The following TP53BP1 variants were observed in gnomAD, a reference collection of about 807,000 sequenced individuals.
TP53BP1 encodes the protein tumor protein p53 binding protein 1.
A neutral mutation model predicts 200.8 loss-of-function variants in TP53BP1; 61 were observed. That is an observed-to-expected ratio of 0.30 (90% CI 0.25 to 0.38). The LOEUF is 0.38. TP53BP1 is among the 10% of genes least tolerant of loss of function. The probability of loss-of-function intolerance (pLI) is 1.00; values close to 1 mark genes in which losing one functional copy is unlikely to be tolerated. For missense variants in TP53BP1, 2,144 were observed against 2,371.9 expected (o/e 0.90, Z 2.00); for synonymous variants, 822 against 844.3 (o/e 0.97, Z 0.46).
intron 22 of TP53BP1, 128 bp from the exon 23 acceptor site, chr15:43,415,937 G>A (rs966678589): frequency 1.1e-5 from 9 of 819,434 alleles, no homozygotes; most frequent in Non-Finnish European, 1.7e-5. Context: ...AGGCCAAGAA[G>A]CTTCTTTTTA....
chr15:43,414,483 A>T (rs2045212697), intron 23 of TP53BP1, among the ~76,000 whole-genome samples: 2 of 152,228 alleles, frequency 1.3e-5, no homozygotes. Context: ...AGGACAATGT[A>T]ACAATCAATG....
At chr15:43,425,288 T>C (rs1440800415) in intron 18 of TP53BP1, among the ~76,000 whole-genome samples, 1 of 152,252 alleles carries the variant, frequency 6.6e-6, no homozygotes, top group Non-Finnish European at 1.5e-5. Context: ...CTAAGAGGCC[T>C]GCTGTTTCCA....
intron 10 of TP53BP1, among the ~76,000 whole-genome samples, chr15:43,474,098 C>A (rs1414661367): frequency 6.6e-6 from 1 of 152,222 alleles, no homozygotes; most frequent in Non-Finnish European, 1.5e-5. Context: ...ACCCAGTACA[C>A]CCTCCATAGC....
At position 43,432,242 on chromosome 15, in the gene TP53BP1, C is replaced by G; in HGVS notation, c.3627G>C (p.Glu1209Asp). The G allele has an allele frequency of 6.2e-7, 1 of 1,614,166 alleles. No individual in the cohort carries two copies. Among genetic ancestry groups the G allele is most frequent in the Admixed American group, 1.7e-5 (1 of 60,026 alleles). The change falls in exon 17 of 28, where the codon GAG becomes GAC. Residue 1209 changes from glutamate (E) to aspartate (D), a missense_variant. This residue lies in a region of TP53BP1 where 1,700 missense variants were observed against 1,710.3 expected (regional missense o/e 0.99). Coordinates refer to ENST00000382044, the MANE Select transcript of TP53BP1 (RefSeq NM_001141980.3). ...CATCCCCAGGAGCACTGACTGGTTT[C>G]TCACCACTCCCCCTCTCAGTCTGAA... ...ATVQTERGSG[E>D]KPVSAPGDDT...
intron 10 of TP53BP1, among the ~76,000 whole-genome samples, chr15:43,471,477 G>A (rs918912426): frequency 1.3e-4 from 19 of 151,522 alleles, no homozygotes; most frequent in Admixed American, 9.9e-4. Context: ...TCCAGGCTGC[G>A]ACGCAGTGGT....
chr15:43,420,606 A>G lies in TP53BP1; in HGVS notation c.4380T>C (p.Gly1460=). Residue 1460 remains glycine (G), a synonymous_variant, in exon 21 of 28, where the codon GGT becomes GGC. Transcript: ENST00000382044. The part of the protein sequence containing the change: ...DSTRRTDVGA[G]ALRRSDSPEI... ...CTGGAGAGTCACTACGACGCAAAGCACCAGCACCCACATCTGTTCGTCTGG... is the reference window on the plus strand; with the variant it reads ...CTGGAGAGTCACTACGACGCAAAGCGCCAGCACCCACATCTGTTCGTCTGG... 2.5e-6 allele frequency: 4 copies of G among 1,614,190 alleles called. No individual in the cohort carries two copies. Among genetic ancestry groups the G allele is most frequent in the Non-Finnish European group, 3.4e-6 (4 of 1,180,034 alleles).
Position 43,456,915 on chromosome 15 carries a change from C to G in TP53BP1, c.1693G>C (p.Val565Leu). Residue 565 changes from valine (V) to leucine (L), a missense_variant, in exon 12 of 28, where the codon GTT (valine) becomes CTT (leucine). Val to Leu is a conservative substitution (Grantham distance 32). This residue lies in a region of TP53BP1 where 1,700 missense variants were observed against 1,710.3 expected (regional missense o/e 0.99). Transcript: ENST00000382044. Reference protein sequence around the residue: ...PMSPVLNSKFVPAENDSILMN... With the variant: ...PMSPVLNSKFLPAENDSILMN... ...AGGATACTATCATTTTCAGCAGGAA[C>G]AAATTTAGAATTGAGAACTGGAGAC... 1.2e-6 allele frequency: 2 copies of G among 1,614,116 alleles called. No homozygotes were observed. The highest frequency in any genetic ancestry group is 1.7e-6 in the Non-Finnish European group (2 of 1,180,040).
In TP53BP1 at chr15:43,479,526, G is replaced by A. The variant is rs756892412; in HGVS notation, c.659C>T (p.Ala220Val). ...TRLSDVDANT[A>V]IKHEEQSNED... ...GTTGGACTGTTCTTCATGCTTAATT[G>A]CTGAGAGTTTTATAAAATGACAGGA... The change falls in exon 7 of 28, where the codon GCA becomes GTA. Residue 220 changes from alanine (A) to valine (V), a missense_variant and splice_region_variant. This residue lies in a region of TP53BP1 where 1,700 missense variants were observed against 1,710.3 expected (regional missense o/e 0.99). Coordinates refer to ENST00000382044, the MANE Select transcript of TP53BP1 (RefSeq NM_001141980.3). 1.2e-6 allele frequency: 2 copies of A among 1,605,568 alleles called. No individual in the cohort carries two copies. The highest frequency in any genetic ancestry group is 1.3e-5 in the African/African-American group (1 of 74,548).
At chr15:43,437,090 T>C (rs965433413) in intron 16 of TP53BP1, among the ~76,000 whole-genome samples, 4 of 152,032 alleles carry the variant, frequency 2.6e-5, no homozygotes, top group Non-Finnish European at 4.4e-5. Context: ...GCCTAGGAAT[T>C]TGGGGCTGCC....
chr15:43,442,078 T>G (rs1463791511), intron 14 of TP53BP1, among the ~76,000 whole-genome samples: 1 of 151,538 alleles, frequency 6.6e-6, no homozygotes, highest in Non-Finnish European at 1.5e-5. Context: ...CCAGATTTGT[T>G]TTAATTTTTT....
At chr15:43,481,626 C>A (rs1050439061) in intron 4 of TP53BP1, among the ~76,000 whole-genome samples, 1 of 151,508 alleles carries the variant, frequency 6.6e-6, no homozygotes, top group Non-Finnish European at 1.5e-5. Context: ...ACCATCCTGG[C>A]TAACATGGTG....
chr15:43,446,785 C>G, intron 13 of TP53BP1, 195 bp from the exon 14 acceptor site: 1 of 1,509,780 alleles, frequency 6.6e-7, no homozygotes, highest in Non-Finnish European at 8.9e-7. Flanking sequence ...AGAGGAGCAA[C>G]AGGATTCAGT....
chr15:43,505,500 G>T (rs531637683), intron 1 of TP53BP1, among the ~76,000 whole-genome samples: 2 of 152,004 alleles, frequency 1.3e-5, no homozygotes, highest in Non-Finnish European at 2.9e-5. Context: ...TATTTTTTTC[G>T]CTTTTGGGAA....
chr15:43,422,156 A>G (rs527873483), intron 18 of TP53BP1, 30 bp from the exon 19 acceptor site: 1 of 1,603,366 alleles, frequency 6.2e-7, no homozygotes, highest in East Asian at 2.2e-5. Flanking sequence ...ACAGAAGATA[A>G]AAGATGCCAT....
At position 43,407,940 on chromosome 15, in the gene TP53BP1, T is replaced by C; in HGVS notation, c.5746+3A>G. 1 of 1,610,824 alleles carries C rather than the reference T, an allele frequency of 6.2e-7. No individual in the cohort carries two copies. Among genetic ancestry groups the C allele is most frequent in the Non-Finnish European group, 8.5e-7 (1 of 1,179,566 alleles). On this transcript the variant is annotated splice_donor_region_variant and intron_variant, in intron 27 of 27. Transcript: ENST00000382044. ...AAGACACTACACACACTCTTTCAGGTACCTTTGTTATGGGCACTTGAATGG... is the reference window on the plus strand; with the variant it reads ...AAGACACTACACACACTCTTTCAGGCACCTTTGTTATGGGCACTTGAATGG...
Position 43,407,922 on chromosome 15 carries a change from TAC to T in TP53BP1, c.5746+19_5746+20del, listed in dbSNP as rs1467140731. The T allele has an allele frequency of 1.2e-6, 2 of 1,605,038 alleles. No homozygotes were observed. The highest frequency in any genetic ancestry group is 1.1e-5 in the South Asian group (1 of 90,434). On this transcript the variant is annotated intron_variant, in intron 27 of 27. Transcript: ENST00000382044. ...AAGGAGATCCCTGGAACAAAGACAC[TAC>T]ACACACTCTTTCAGGTACCTTTGTT...
chr15:43,484,977 T>C (rs1311634474), intron 4 of TP53BP1, among the ~76,000 whole-genome samples: 1 of 152,030 alleles, frequency 6.6e-6, no homozygotes, highest in Non-Finnish European at 1.5e-5. Context: ...CTCAAACTCC[T>C]GGGCTCAAGA....
At chr15:43,431,765 C>T (rs188912529) in intron 17 of TP53BP1, among the ~76,000 whole-genome samples, 9 of 152,278 alleles carry the variant, frequency 5.9e-5, no homozygotes, top group Admixed American at 4.6e-4. Context: ...CACTATTCTT[C>T]GTGCTGCTTC....
intron 4 of TP53BP1, among the ~76,000 whole-genome samples, chr15:43,483,347 T>C (rs973073269): frequency 1.3e-5 from 2 of 151,946 alleles, no homozygotes; most frequent in Non-Finnish European, 2.9e-5. Context: ...ATATGTTAAG[T>C]TTTAATTGTC....
Sources: gnomAD v4.1 joint callset for allele counts (sites outside exome capture counted in the v4.1 genomes callset) on GRCh38, gnomAD v4.1.1 for gene constraint, gnomAD v4.1.1 regional missense constraint, MANE v1.5 for transcripts, NCBI Gene and HGNC (gene_info 2026-07-23, HGNC 2026-07-21) for gene names.